The following GRID1 variants were observed in gnomAD, a reference collection of about 807,000 sequenced individuals.
GRID1 encodes the protein glutamate ionotropic receptor delta type subunit 1, also known as glutamate receptor ionotropic, delta-1.
GRID1 carries 28 observed loss-of-function variants against 98.0 expected under a neutral mutation model. The ratio of observed to expected loss-of-function variants is 0.29; its 90% CI spans 0.21 to 0.39. The LOEUF is 0.39. Ranked by LOEUF, GRID1 falls within the 10% of genes least tolerant of loss-of-function variation. GRID1 has a pLI of 1.00. For synonymous variants in GRID1, 553 were observed against 538.5 expected, an observed-to-expected ratio of 1.03 and a Z score of -0.37; for missense variants, 1,111 against 1,340.5, an observed-to-expected ratio of 0.83 and a Z score of 2.67.
At position 86,206,830 on chromosome 10, in the gene GRID1, T is replaced by C. The variant is rs973574217; in HGVS notation, c.236-182A>G. Reference sequence around the variant, plus strand: ...TCTCATAAGCACAGCCTCACTGACATCCTTGGTGAAAATGCCAGCTATACA... The same window carrying C: ...TCTCATAAGCACAGCCTCACTGACACCCTTGGTGAAAATGCCAGCTATACA... On this transcript the variant is annotated intron_variant, in intron 2 of 15. Coordinates refer to ENST00000327946, the MANE Select transcript of GRID1 (RefSeq NM_017551.3). This position sits in a 1 kb window ranked among gnomAD's most constrained non-coding sequence, Gnocchi z 4.1. Among the ~76,000 whole-genome samples the C allele has an allele frequency of 1.3e-5, 2 of 152,168 alleles. No homozygotes were observed. Among genetic ancestry groups the C allele is most frequent in the South Asian group, 2.1e-4 (1 of 4,824 alleles).
At chr10:85,922,632 G>A (rs975895031) in intron 4 of GRID1, among the ~76,000 whole-genome samples, 1 of 152,190 alleles carries the variant, frequency 6.6e-6, no homozygotes, top group Non-Finnish European at 1.5e-5. Flanking sequence ...CGCTGCCTTT[G>A]CAACAACATG....
intron 4 of GRID1, among the ~76,000 whole-genome samples, chr10:85,977,138 A>C (rs1182581811): frequency 6.6e-6 from 1 of 152,226 alleles, no homozygotes; most frequent in Admixed American, 6.5e-5. Context: ...CCCCTCTGCT[A>C]TAAATGTGAT....
intron 2 of GRID1, among the ~76,000 whole-genome samples, chr10:86,219,701 T>C (rs1846226350): frequency 6.6e-6 from 1 of 152,156 alleles, no homozygotes; most frequent in African/African-American, 2.4e-5. Flanking sequence ...GTCCTTTCTG[T>C]TCTTTATATC....
chr10:85,752,979 G>A (rs1842062003), intron 8 of GRID1, among the ~76,000 whole-genome samples: 1 of 152,188 alleles, frequency 6.6e-6, no homozygotes, highest in Non-Finnish European at 1.5e-5. Context: ...AACCATCTGT[G>A]TTCTGAAATC....
At position 86,130,882 on chromosome 10, in the gene GRID1, G is replaced by A. The variant is rs563639616; in HGVS notation, c.726+7937C>T. On this transcript the variant is annotated intron_variant, in intron 4 of 15. Coordinates refer to ENST00000327946, the MANE Select transcript of GRID1 (RefSeq NM_017551.3). ...ACAGGCACCCACCCCTAGTGCTACC[G>A]TGGGGCCAGAGCCCAAAAGCGCTCA... is the stretch of plus-strand genomic sequence containing the variant. Among the ~76,000 whole-genome samples, 47 of 152,272 alleles carry A rather than the reference G, an allele frequency of 3.1e-4. No homozygotes were observed. In the East Asian group the frequency reaches 7.0e-3, roughly 23 times the overall value.
intron 4 of GRID1, among the ~76,000 whole-genome samples, chr10:86,100,300 AT>A (rs1844278877): frequency 6.6e-6 from 1 of 152,188 alleles, no homozygotes; most frequent in Admixed American, 6.5e-5. Context: ...GCAGGACTGT[AT>A]TTGAAACATG....
At chr10:86,030,662 G>C (rs1301459104) in intron 4 of GRID1, among the ~76,000 whole-genome samples, 1 of 152,198 alleles carries the variant, frequency 6.6e-6, no homozygotes, top group Non-Finnish European at 1.5e-5. Context: ...CCTAACAGCA[G>C]TTAGGGTTAC....
intron 4 of GRID1, among the ~76,000 whole-genome samples, chr10:85,921,432 C>G (rs1019409584): frequency 2.6e-5 from 4 of 152,172 alleles, no homozygotes; most frequent in Non-Finnish European, 5.9e-5. Flanking sequence ...CCAGTGACAC[C>G]CAAGAGCTGA....
chr10:86,271,605 A>G (rs910832792), intron 2 of GRID1, among the ~76,000 whole-genome samples: 3 of 152,252 alleles, frequency 2.0e-5, no homozygotes, highest in Non-Finnish European at 2.9e-5. Flanking sequence ...TCTAGAGATG[A>G]AAAGTACAAT....
In GRID1 at chr10:85,701,209, G is replaced by T. The variant is rs1044060666; in HGVS notation, c.1997+21794C>A. Reference sequence around the variant, plus strand: ...CTCACTTTGAAAATGCATCATCTCCGTGGATTTCTTCTTATATTTACAGAG... The same window carrying T: ...CTCACTTTGAAAATGCATCATCTCCTTGGATTTCTTCTTATATTTACAGAG... On this transcript the variant is annotated intron_variant, in intron 12 of 15. Transcript: ENST00000327946. 2.0e-5 allele frequency among the ~76,000 whole-genome samples: 3 copies of T among 152,210 alleles called. No homozygotes were observed. The South Asian group carries it at 6.2e-4, about 32-fold the overall frequency.
chr10:86,336,848 AT>A (rs4030750), intron 2 of GRID1, among the ~76,000 whole-genome samples: 13 of 143,888 alleles, frequency 9.0e-5, no homozygotes, highest in African/African-American at 2.6e-4. Context: ...CTGGCCCACT[AT>A]TTTTTTTTTT....
At position 86,156,140 on chromosome 10, in the gene GRID1, G is replaced by C. The variant is rs80149346; in HGVS notation, c.521-17116C>G. The stretch of plus-strand genomic sequence containing the variant: ...CCCAAAAGAATGCCTGGCCTCTAGC[G>C]AAGGTGTGAGCAAGGGGAGAAGAGA... On this transcript the variant is annotated intron_variant, in intron 3 of 15. Transcript: ENST00000327946. Among the ~76,000 whole-genome samples, 13 of 152,366 alleles carry C rather than the reference G, an allele frequency of 8.5e-5. No homozygotes were observed. The East Asian group carries it at 2.5e-3, about 29-fold the overall frequency.
chr10:85,942,303 C>A (rs1288279755), intron 4 of GRID1, among the ~76,000 whole-genome samples: 1 of 152,190 alleles, frequency 6.6e-6, no homozygotes, highest in Non-Finnish European at 1.5e-5. Context: ...CCCCACCCTG[C>A]CAATTTCTAA....
At chr10:86,042,956 G>A (rs1843367778) in intron 4 of GRID1, among the ~76,000 whole-genome samples, 1 of 151,986 alleles carries the variant, frequency 6.6e-6, no homozygotes, top group Non-Finnish European at 1.5e-5. Context: ...ATGGTGGTGT[G>A]TGCCTGTATT....
At position 85,916,167 on chromosome 10, in the gene GRID1, A is replaced by G; in HGVS notation, c.780+19T>C. The G allele has an allele frequency of 6.3e-7, 1 of 1,599,080 alleles. No homozygotes were observed. The highest frequency in any genetic ancestry group is 8.6e-7 in the Non-Finnish European group (1 of 1,166,386). ...GGGCTCAGTCCAGGCCGTGCTCATCACATTTCTAGAGCCCTTACCTCATTC... is the reference window on the plus strand; with the variant it reads ...GGGCTCAGTCCAGGCCGTGCTCATCGCATTTCTAGAGCCCTTACCTCATTC... On this transcript the variant is annotated intron_variant, in intron 5 of 15. Coordinates refer to ENST00000327946, the MANE Select transcript of GRID1 (RefSeq NM_017551.3). This position sits in a 1 kb window ranked among gnomAD's most constrained non-coding sequence, Gnocchi z 4.0.
At chr10:86,105,538 T>C (rs1005225129) in intron 4 of GRID1, among the ~76,000 whole-genome samples, 6 of 152,138 alleles carry the variant, frequency 3.9e-5, no homozygotes, top group Admixed American at 6.5e-5. Context: ...CACATCTAGA[T>C]TGGGTGGGGA....
chr10:86,363,840 G>C (rs1848637953), intron 2 of GRID1, 101 bp downstream of exon 2: 1 of 992,886 alleles, frequency 1.0e-6, no homozygotes, highest in African/African-American at 1.6e-5. Context: ...GGAACAGAGG[G>C]TGCCCTGCGC....
chr10:85,654,161 G>A lies in GRID1; in HGVS notation c.1998-6764C>T, dbSNP rs115780795. Among the ~76,000 whole-genome samples, 961 of 152,202 alleles carry A rather than the reference G, an allele frequency of 6.3e-3. 15 individuals are homozygous for A. Among genetic ancestry groups the A allele is most frequent in the African/African-American group, 0.022 (925 of 41,534 alleles). ...CCCTTCTTCAAACCTATGCCTGAAA[G>A]CCAGCCTCGGAGGGCCAGCTGAGGT... On this transcript the variant is annotated intron_variant, in intron 12 of 15. Coordinates refer to ENST00000327946, the MANE Select transcript of GRID1 (RefSeq NM_017551.3).
chr10:86,243,158 G>A (rs942652920), intron 2 of GRID1, among the ~76,000 whole-genome samples: 51 of 152,190 alleles, frequency 3.4e-4, no homozygotes, highest in African/African-American at 1.1e-3. Context: ...CAAGGAACCC[G>A]ATGCAGGTGT....
Sources: allele counts gnomAD v4.1 joint callset (sites outside exome capture counted in the v4.1 genomes callset), GRCh38; gene constraint gnomAD v4.1.1; non-coding constraint Gnocchi (gnomAD v3.1); transcripts MANE v1.5; gene names NCBI Gene and HGNC (gene_info 2026-07-23, HGNC 2026-07-21).